SMYD3: variants seen among roughly 807,000 people sequenced by gnomAD.
SMYD3 encodes histone-lysine N-methyltransferase SMYD3.
A neutral mutation model predicts 57.7 loss-of-function variants in SMYD3; 36 were observed. The observed-to-expected ratio is 0.62, with a 90% CI of 0.48 to 0.82. The LOEUF (loss-of-function observed/expected upper bound fraction) is 0.82. Among genes scored for constraint, SMYD3 ranks in the 40% least tolerant of loss-of-function variants. The probability of loss-of-function intolerance (pLI) is 0.00; values close to 1 mark genes in which losing one functional copy is unlikely to be tolerated. For missense variants in SMYD3, 515 were observed against 538.8 expected (o/e 0.96, Z 0.44); for synonymous variants, 211 against 195.0 (o/e 1.08, Z -0.68).
At chr1:246,295,602 T>C (rs2064778232) in intron 5 of SMYD3, among the ~76,000 whole-genome samples, 1 of 152,140 alleles carries the variant, frequency 6.6e-6, no homozygotes, top group Non-Finnish European at 1.5e-5. Context: ...AAGGAAAAAG[T>C]AAACTAGATG....
In SMYD3 at chr1:245,973,489, G is replaced by A. The variant is rs551457455; in HGVS notation, c.532-43552C>T. ...AGCCTCACCCTCAACTTTCACAGGA[G>A]TTTTATCACAAAAAAAATCAAATGA... is the stretch of plus-strand genomic sequence containing the variant. On this transcript the variant is annotated intron_variant, in intron 5 of 11. Transcript: ENST00000490107. Among the ~76,000 whole-genome samples, 181 of 152,244 alleles carry A rather than the reference G, an allele frequency of 1.2e-3. 1 individual carries two copies. The highest frequency in any genetic ancestry group is 0.01 in the Middle Eastern group (3 of 294).
chr1:246,219,060 C>T (rs2063210662), intron 5 of SMYD3, among the ~76,000 whole-genome samples: 1 of 152,118 alleles, frequency 6.6e-6, no homozygotes, highest in Non-Finnish European at 1.5e-5. Context: ...ACTAAAACTC[C>T]TGATTTTCCC....
chr1:246,444,944 T>C (rs1201152617), intron 1 of SMYD3, among the ~76,000 whole-genome samples: 1 of 152,236 alleles, frequency 6.6e-6, no homozygotes, highest in Non-Finnish European at 1.5e-5. Context: ...GTCTGGGGTT[T>C]GGATTCCACC....
chr1:245,948,779 C>T (rs2057511938), intron 5 of SMYD3, among the ~76,000 whole-genome samples: 2 of 152,300 alleles, frequency 1.3e-5, no homozygotes, highest in African/African-American at 4.8e-5. Flanking sequence ...GCAGCAAGGC[C>T]ACCATGCACA....
chr1:246,258,055 G>A (rs747282779), intron 5 of SMYD3, among the ~76,000 whole-genome samples: 7 of 146,930 alleles, frequency 4.8e-5, no homozygotes, highest in Non-Finnish European at 7.5e-5. Context: ...TTCTTTTTTC[G>A]AGACAGAGTC....
At chr1:246,067,720 C>T (rs568454394) in intron 5 of SMYD3, among the ~76,000 whole-genome samples, 6 of 152,256 alleles carry the variant, frequency 3.9e-5, no homozygotes, top group Non-Finnish European at 7.4e-5. Flanking sequence ...TCATTAAACA[C>T]GTAACTGCAC....
intron 5 of SMYD3, among the ~76,000 whole-genome samples, chr1:246,136,541 A>C (rs2061667988): frequency 6.6e-6 from 1 of 152,210 alleles, no homozygotes; most frequent in Admixed American, 6.5e-5. Flanking sequence ...GGCCTTGAGA[A>C]TATATCTGGG....
chr1:246,470,652 T>C (rs937847584), intron 1 of SMYD3, among the ~76,000 whole-genome samples: 2 of 151,240 alleles, frequency 1.3e-5, no homozygotes, highest in African/African-American at 4.9e-5. Flanking sequence ...TATGTATGTG[T>C]ATATATACAG....
At chr1:245,888,147 G>A (rs1357280780) in intron 8 of SMYD3, among the ~76,000 whole-genome samples, 1 of 152,196 alleles carries the variant, frequency 6.6e-6, no homozygotes, top group African/African-American at 2.4e-5. Flanking sequence ...TGATAGACCT[G>A]TCATGGAGTC....
intron 10 of SMYD3, among the ~76,000 whole-genome samples, chr1:245,829,827 T>A (rs1057369756): frequency 1.5e-4 from 23 of 152,166 alleles, no homozygotes; most frequent in Non-Finnish European, 2.6e-4. Context: ...ACAACATGCA[T>A]GAACCTTGAA....
At position 246,202,741 on chromosome 1, in the gene SMYD3, A is replaced by T. The variant is rs1182602311; in HGVS notation, c.531+124460T>A. Among the ~76,000 whole-genome samples, 1 of 152,260 alleles carries T rather than the reference A, an allele frequency of 6.6e-6. No homozygotes were observed. Among genetic ancestry groups the T allele is most frequent in the Non-Finnish European group, 1.5e-5 (1 of 68,042 alleles). On this transcript the variant is annotated intron_variant, in intron 5 of 11. Transcript: ENST00000490107. This position sits in a 1 kb window ranked among gnomAD's most constrained non-coding sequence, Gnocchi z 4.1. ...AATACATTATGATACCTGCTTATGC[A>T]TAAGCCTAAAGCCTCCATGGCTAGT...
intron 5 of SMYD3, among the ~76,000 whole-genome samples, chr1:245,970,713 T>C (rs1260021440): frequency 1.3e-5 from 2 of 152,152 alleles, no homozygotes; most frequent in African/African-American, 2.4e-5. Flanking sequence ...TCATCATCAC[T>C]GGTCAGAGAA....
At chr1:246,491,048 G>A (rs1446960092) in intron 1 of SMYD3, among the ~76,000 whole-genome samples, 1 of 152,178 alleles carries the variant, frequency 6.6e-6, no homozygotes, top group Non-Finnish European at 1.5e-5. Context: ...ACAAAGTTCA[G>A]AGCTGTTAAG....
At chr1:246,338,284 G>A (rs1261718737) in intron 2 of SMYD3, among the ~76,000 whole-genome samples, 4 of 152,166 alleles carry the variant, frequency 2.6e-5, no homozygotes, top group Non-Finnish European at 5.9e-5. Flanking sequence ...CATAGAAAAG[G>A]CTTACAAAGA....
rs74163100 is a variant in SMYD3, at chr1:246,009,805, CTTTTTTTTT to C, written c.532-79877_532-79869del. Among the ~76,000 whole-genome samples, 10 of 75,612 alleles carry C rather than the reference CTTTTTTTTT, an allele frequency of 1.3e-4. No individual in the cohort carries two copies. The Admixed American group carries it at 1.7e-3, about 13-fold the overall frequency. 49.6% of individuals were successfully genotyped at this position (75,612 alleles called of 152,430 possible). On this transcript the variant is annotated intron_variant, in intron 5 of 11. Transcript: ENST00000490107. ...AATATGACGTTGTCTCATGTAAGAT[CTTTTTTTTT>C]TTTTTTTTTTTTTGAGATGGAGTCT...
intron 1 of SMYD3, among the ~76,000 whole-genome samples, chr1:246,361,192 A>G (rs2065980761): frequency 6.6e-6 from 1 of 152,266 alleles, no homozygotes; most frequent in Non-Finnish European, 1.5e-5. Flanking sequence ...AGCATATGGA[A>G]AAATGCTCAA....
intron 5 of SMYD3, among the ~76,000 whole-genome samples, chr1:246,291,156 A>C (rs1200833237): frequency 6.6e-6 from 1 of 152,226 alleles, no homozygotes; most frequent in African/African-American, 2.4e-5. Flanking sequence ...GACAAGCATC[A>C]GTTACAAATT....
At chr1:245,784,843 A>ATTTTTTTTTTTTTTTTTTTTTTTT (rs74163079) in intron 10 of SMYD3, among the ~76,000 whole-genome samples, 1 of 115,736 alleles carries the variant, frequency 8.6e-6, no homozygotes, top group Non-Finnish European at 1.8e-5. Flanking sequence ...TTTAGACTGA[A>ATTTTTTTTTTTTTTTTTTTTTTTT]TTTTTTTTTT....
intron 10 of SMYD3, among the ~76,000 whole-genome samples, chr1:245,788,045 G>C (rs1336736223): frequency 6.6e-6 from 1 of 152,140 alleles, no homozygotes; most frequent in African/African-American, 2.4e-5. Context: ...CAAGGAGAAT[G>C]GTGAGCAGAT....
Sources: gnomAD v4.1 joint callset for allele counts (sites outside exome capture counted in the v4.1 genomes callset) on GRCh38, gnomAD v4.1.1 for gene constraint, Gnocchi (gnomAD v3.1) non-coding constraint, MANE v1.5 for transcripts, NCBI Gene and HGNC (gene_info 2026-07-23, HGNC 2026-07-21) for gene names.